MUC5B: variants seen among roughly 807,000 people sequenced by gnomAD.
MUC5B encodes mucin-5B.
Under a neutral mutation model 376.9 loss-of-function variants are expected in MUC5B, and 116 were observed. The ratio of observed to expected loss-of-function variants is 0.31; its 90% CI spans 0.26 to 0.36. The LOEUF is 0.36. MUC5B is among the 10% of genes least tolerant of loss of function. The pLI is 1.00. For synonymous variants in MUC5B, 3,517 were observed against 3,390.9 expected, an observed-to-expected ratio of 1.04 and a Z score of -1.29; for missense variants, 7,165 against 7,769.9, an observed-to-expected ratio of 0.92 and a Z score of 2.93.
chr11:1,233,354 G>A lies in MUC5B; in HGVS notation c.2321+86G>A, dbSNP rs546829220. 670 of 1,391,418 alleles carry A rather than the reference G, an allele frequency of 4.8e-4. 2 individuals carry two copies. Among genetic ancestry groups the A allele is most frequent in the Non-Finnish European group, 4.4e-4 (469 of 1,056,058 alleles). 86.2% of individuals were successfully genotyped at this position (1,391,418 alleles called of 1,614,324 possible). ...CCCGAAGGCTTCTGTGCCTCCCCCC[G>A]AGGGTTCTGAGACATGAGGGGCCAG... On this transcript the variant is annotated intron_variant, in intron 18 of 48. Transcript: ENST00000529681.
rs1380462898 is a variant in MUC5B, at chr11:1,226,255, A to G, written c.178A>G (p.Thr60Ala). 2 of 1,556,748 alleles carry G rather than the reference A, an allele frequency of 1.3e-6. No individual in the cohort carries two copies. Among genetic ancestry groups the G allele is most frequent in the Admixed American group, 3.8e-5 (2 of 52,080 alleles). Residue 60 changes from threonine to alanine, a missense_variant, in exon 3 of 49, where the codon ACT (threonine) becomes GCT (alanine). Coordinates refer to ENST00000529681, the MANE Select transcript of MUC5B (RefSeq NM_002458.3). ...GCGCGTGAGCTTTGTTCCACCCGTC[A>G]CTGTCTTCCCCAGCCTGAGCCGTAA... The part of the protein sequence containing the change: ...TRRVSFVPPV[T>A]VFPSLSPLNP...
At chr11:1,223,323 A>G in intron 1 of MUC5B, 130 bp downstream of exon 1, 1 of 690,934 alleles carries the variant, frequency 1.4e-6, no homozygotes, top group East Asian at 2.7e-5. Flanking sequence ...AGTGTCCTGG[A>G]TGGGACCCTA....
chr11:1,236,774 T>A, intron 24 of MUC5B, 151 bp from the exon 25 acceptor site: 1 of 1,107,486 alleles, frequency 9.0e-7, no homozygotes, highest in African/African-American at 1.6e-5. Context: ...TGCACACCTG[T>A]CTCCTACAAG....
rs768946864 is a variant in MUC5B, at chr11:1,244,823, C to T, written c.7943C>T (p.Thr2648Ile). The T allele has an allele frequency of 6.2e-7, 1 of 1,613,700 alleles. No individual in the cohort carries two copies. Among genetic ancestry groups the T allele is most frequent in the African/African-American group, 1.3e-5 (1 of 74,942 alleles). ...CCCACAACCAGAGGTTCCACGGTGA[C>T]CCCCTCCTCCATCCCGGGGACCACC... ...TTPTTRGSTV[T>I]PSSIPGTTHT... The change falls in exon 31 of 49, where the codon ACC becomes ATC. Residue 2648 changes from threonine (T) to isoleucine (I), a missense_variant. By Grantham distance (89) the Thr-to-Ile change is moderately conservative (BLOSUM62 -1). Coordinates refer to ENST00000529681, the MANE Select transcript of MUC5B (RefSeq NM_002458.3).
chr11:1,241,930 A>G lies in MUC5B; in HGVS notation c.5050A>G (p.Thr1684Ala). The change falls in exon 31 of 49, where the codon ACT (threonine) becomes GCT (alanine). Residue 1684 changes from threonine to alanine, a missense_variant. Physicochemically the swap from Thr to Ala is moderately conservative, Grantham distance 58. Around this residue, in one of 31 missense-constraint regions of MUC5B, gnomAD observed 897 missense variants for 779.6 expected, o/e 1.15. Coordinates refer to ENST00000529681, the MANE Select transcript of MUC5B (RefSeq NM_002458.3). ...PTTPAGSTEP[T>A]VPGVATSTLP... is the part of the protein sequence containing the mutation. Reference sequence around the variant, plus strand: ...GACGCCTGCAGGCTCCACAGAACCCACTGTCCCAGGGGTGGCCACATCCAC... The same window carrying G: ...GACGCCTGCAGGCTCCACAGAACCCGCTGTCCCAGGGGTGGCCACATCCAC... The G allele has an allele frequency of 1.9e-6, 3 of 1,608,618 alleles. No individual in the cohort carries two copies. The highest frequency in any genetic ancestry group is 2.5e-6 in the Non-Finnish European group (3 of 1,177,794).
In MUC5B at chr11:1,253,146, T is replaced by C. The variant is rs1052216967; in HGVS notation, c.15217+166T>C. On this transcript the variant is annotated intron_variant, in intron 33 of 48. Transcript: ENST00000529681. The surrounding 1 kb of genome is among the most constrained non-coding windows in gnomAD (Gnocchi z 4.3). ...TGCAGTGGGGCATGGTGGGGCATGGTGGGGTGTGGTGGTGGTGTTTGGGAG... is the reference window on the plus strand; with the variant it reads ...TGCAGTGGGGCATGGTGGGGCATGGCGGGGTGTGGTGGTGGTGTTTGGGAG... 1.3e-6 allele frequency: 1 copy of C among 770,876 alleles called. No individual in the cohort carries two copies. The highest frequency in any genetic ancestry group is 2.1e-6 in the Non-Finnish European group (1 of 470,854). The allele number at this position is 770,876 out of a possible 1,614,324, so 47.8% of individuals were successfully genotyped here. A position where few individuals can be genotyped will look rare whatever the true frequency, so the allele number is the denominator to read the frequency against.
At position 1,244,707 on chromosome 11, in the gene MUC5B, G is replaced by A. The variant is rs544957410; in HGVS notation, c.7827G>A (p.Leu2609=). 4.2e-4 allele frequency: 672 copies of A among 1,611,078 alleles called. 5 individuals carry two copies. The East Asian group carries it at 4.3e-3, about 10-fold the overall frequency. The change falls in exon 31 of 49, where the codon CTG becomes CTA. Residue 2609 remains leucine (L), a synonymous_variant. Transcript: ENST00000529681. ...TPGTAHTTKV[L]TTTTTGFTAT... is the part of the protein sequence containing the mutation. ...GAACAGCTCACACTACCAAAGTGCT[G>A]ACTACCACAACCACGGGCTTCACAG...
At chr11:1,223,523 G>A in intron 1 of MUC5B, 1 of 430,318 alleles carries the variant, frequency 2.3e-6, no homozygotes, top group South Asian at 2.0e-5. Flanking sequence ...GGTCACAGCT[G>A]GGGGTCTCTC....
rs749613208 is a variant in MUC5B, at chr11:1,250,916, C to T, written c.14036C>T (p.Ser4679Leu). 22 of 1,593,548 alleles carry T rather than the reference C, an allele frequency of 1.4e-5. No individual in the cohort carries two copies. Among genetic ancestry groups the T allele is most frequent in the Non-Finnish European group, 3.4e-6 (4 of 1,169,990 alleles). ...ACACAGACCAGTGGTACTCCCCCAT[C>T]ACTGACCACCACGGCCACTACGATC... ...SSTQTSGTPP[S>L]LTTTATTITA... The change falls in exon 31 of 49, where the codon TCA (serine) becomes TTA (leucine). Residue 4679 changes from serine to leucine, a missense_variant. Ser to Leu is a moderately radical substitution (Grantham distance 145). Coordinates refer to ENST00000529681, the MANE Select transcript of MUC5B (RefSeq NM_002458.3).
chr11:1,256,954 C>T (rs971051130), intron 39 of MUC5B, among the ~76,000 whole-genome samples, 183 bp downstream of exon 39: 4 of 152,108 alleles, frequency 2.6e-5, no homozygotes, highest in Admixed American at 6.5e-5. Context: ...AGAGCCCCCA[C>T]GGTCCCCTGA....
chr11:1,236,450 C>T lies in MUC5B; in HGVS notation c.2945C>T (p.Pro982Leu). ...KAVARGPGGD[P>L]PYKIRYMGIF... ...GTGGCGAGAGGGCCGGGTGGGGACCCACCCTACAAGATACGCTACATGGGG... is the reference window on the plus strand; with the variant it reads ...GTGGCGAGAGGGCCGGGTGGGGACCTACCCTACAAGATACGCTACATGGGG... The change falls in exon 24 of 49, where the codon CCA becomes CTA. Residue 982 changes from proline (P) to leucine (L), a missense_variant. Transcript: ENST00000529681. 1 of 1,612,892 alleles carries T rather than the reference C, an allele frequency of 6.2e-7. No individual in the cohort carries two copies. Among genetic ancestry groups the T allele is most frequent in the Non-Finnish European group, 8.5e-7 (1 of 1,179,794 alleles).
rs1465173030 is a variant in MUC5B, at chr11:1,223,079, C to T, written c.-45C>T. On this transcript the variant is annotated 5_prime_UTR_variant, in exon 1 of 49. Coordinates refer to ENST00000529681, the MANE Select transcript of MUC5B (RefSeq NM_002458.3). ...AGGGGAGCAAGCACCCGGCCCGGCTCCCTCCCTGCCCGTCCCCGTCCCCCC... is the reference window on the plus strand; with the variant it reads ...AGGGGAGCAAGCACCCGGCCCGGCTTCCTCCCTGCCCGTCCCCGTCCCCCC... 2.9e-6 allele frequency: 2 copies of T among 691,148 alleles called. No individual in the cohort carries two copies. The highest frequency in any genetic ancestry group is 5.3e-6 in the Non-Finnish European group (2 of 378,828). 42.8% of individuals were successfully genotyped at this position (691,148 alleles called of 1,614,324 possible). A position where few individuals can be genotyped will look rare whatever the true frequency, so the allele number is the denominator to read the frequency against.
chr11:1,259,455 G>A, intron 44 of MUC5B: 1 of 529,056 alleles, frequency 1.9e-6, no homozygotes. Flanking sequence ...TTTCCAAAGG[G>A]AGGGTATGAA....
intron 2 of MUC5B, 129 bp downstream of exon 2, chr11:1,225,866 C>A: frequency 1.2e-6 from 1 of 867,188 alleles, no homozygotes; most frequent in South Asian, 1.7e-5. Context: ...GTCCCCTGCC[C>A]AGGACAATAC....
chr11:1,260,835 C>A, intron 48 of MUC5B, 107 bp downstream of exon 48: 2 of 803,154 alleles, frequency 2.5e-6, no homozygotes, highest in South Asian at 1.6e-5. Flanking sequence ...CCTACGCCAG[C>A]TCCAGGAAGG....
chr11:1,252,373 C>T lies in MUC5B; in HGVS notation c.14894C>T (p.Ala4965Val). 2 of 1,583,746 alleles carry T rather than the reference C, an allele frequency of 1.3e-6. No homozygotes were observed. The highest frequency in any genetic ancestry group is 1.7e-6 in the Non-Finnish European group (2 of 1,165,216). The change falls in exon 32 of 49, where the codon GCC becomes GTC. Residue 4965 changes from alanine to valine, a missense_variant. Ala to Val is a moderately conservative substitution (Grantham distance 64). Coordinates refer to ENST00000529681, the MANE Select transcript of MUC5B (RefSeq NM_002458.3). ...GEVIYNKTDR[A>V]GCHFYAVCNQ... ...GTCATCTACAATAAGACCGACCGAG[C>T]CGGCTGCCATTTCTACGCAGTGTGC...
Position 1,242,726 on chromosome 11 carries a change from C to T in MUC5B, c.5846C>T (p.Thr1949Ile), listed in dbSNP as rs369656046. Residue 1949 changes from threonine (T) to isoleucine (I), a missense_variant, in exon 31 of 49, where the codon ACC becomes ATC. Thr to Ile is a moderately conservative substitution (Grantham distance 89). Transcript: ENST00000529681. ...ACCACGGCCACCACACCCACAGTCA[C>T]CAGCTCCAAAGCCACTCCCTCCTCC... ...LTTTATTPTV[T>I]SSKATPSSSP... 6.4e-5 allele frequency: 104 copies of T among 1,613,494 alleles called. No homozygotes were observed. The African/African-American group carries it at 8.4e-4, about 13-fold the overall frequency.
intron 30 of MUC5B, 96 bp from the exon 31 acceptor site, chr11:1,240,755 C>A: frequency 1.7e-6 from 2 of 1,202,276 alleles, no homozygotes; most frequent in African/African-American, 1.5e-5. Context: ...AGGGGCAGGG[C>A]CAGCCCTGGG....
rs373667485 is a variant in MUC5B, at chr11:1,233,251, C to A, written c.2304C>A (p.His768Gln). 1.1e-4 allele frequency: 167 copies of A among 1,574,646 alleles called. No individual in the cohort carries two copies. Among genetic ancestry groups the A allele is most frequent in the Non-Finnish European group, 1.4e-4 (157 of 1,162,322 alleles). The change falls in exon 18 of 49, where the codon CAC becomes CAA. Residue 768 changes from histidine (H) to glutamine (Q), a missense_variant. This residue lies in a region of MUC5B where 530 missense variants were observed against 604.0 expected (regional missense o/e 0.88). Coordinates refer to ENST00000529681, the MANE Select transcript of MUC5B (RefSeq NM_002458.3). ...GTVLAPGEVV[H>Q]DEGAVCSCTG... ...TGCTGGCTCCTGGAGAGGTGGTGCACGACGAGGGCGCCGTGTGGTAAGGGT... is the reference window on the plus strand; with the variant it reads ...TGCTGGCTCCTGGAGAGGTGGTGCAAGACGAGGGCGCCGTGTGGTAAGGGT...
Sources: allele counts gnomAD v4.1 joint callset (sites outside exome capture counted in the v4.1 genomes callset), GRCh38; gene constraint gnomAD v4.1.1; regional missense constraint gnomAD v4.1.1; non-coding constraint Gnocchi (gnomAD v3.1); transcripts MANE v1.5; gene names NCBI Gene and HGNC (gene_info 2026-07-23, HGNC 2026-07-21).